Variants in LRRC18 observed in about 807,000 individuals in gnomAD.
LRRC18 encodes the protein leucine-rich repeat-containing protein 18.
Under a neutral mutation model 11.2 loss-of-function variants are expected in LRRC18, and 12 were observed. The observed-to-expected ratio is 1.07, with a 90% confidence interval of 0.69 to 1.74. The LOEUF (loss-of-function observed/expected upper bound fraction) is 1.74, where lower values mean the gene tolerates loss of function less well. Among genes scored for constraint, LRRC18 ranks in the 40% most tolerant of loss-of-function variants. The pLI is 0.00. For synonymous variants in LRRC18, 155 were observed against 130.6 expected (o/e 1.19, Z -1.27); for missense variants, 374 against 330.5 (o/e 1.13, Z -1.02).
the LRRC18 span, among the ~76,000 whole-genome samples, chr10:48,924,813 T>C: frequency 6.6e-6 from 1 of 152,258 alleles, no homozygotes; most frequent in Non-Finnish European, 1.5e-5. Context: ...GTAAGACCCT[T>C]GTCAATATGA....
intron 1 of LRRC18, chr10:48,910,888 C>T: frequency 2.0e-6 from 2 of 984,860 alleles, no homozygotes; most frequent in Non-Finnish European, 2.4e-6. Context: ...ACCAGGTGGG[C>T]TCTGTAACCT....
chr10:48,914,879 G>A (rs1838367573), upstream of LRRC18, among the ~76,000 whole-genome samples: 1 of 152,118 alleles, frequency 6.6e-6, no homozygotes, highest in Non-Finnish European at 1.5e-5. Flanking sequence ...GGGGATGGGG[G>A]GTGCGGGCAA....
the LRRC18 span, among the ~76,000 whole-genome samples, chr10:48,935,675 C>G: frequency 1.3e-5 from 2 of 152,046 alleles, no homozygotes; most frequent in African/African-American, 4.8e-5. Flanking sequence ...CTCTTTGCAC[C>G]CTTTTTCCAC....
chr10:48,926,034 C>G, the LRRC18 span, among the ~76,000 whole-genome samples: 80 of 152,302 alleles, frequency 5.3e-4, 1 homozygote, highest in African/African-American at 1.8e-3. Flanking sequence ...GTGTCTGATA[C>G]GCAAGCTGGT....
At chr10:48,910,949 G>A in intron 1 of LRRC18, 1 of 980,384 alleles carries the variant, frequency 1.0e-6, no homozygotes, top group South Asian at 4.7e-5. Flanking sequence ...AATACCTAAG[G>A]AGGGAAAATT....
At chr10:48,925,730 A>G in the LRRC18 span, among the ~76,000 whole-genome samples, 2 of 152,144 alleles carry the variant, frequency 1.3e-5, no homozygotes, top group Non-Finnish European at 2.9e-5. Context: ...GGAGAGATGC[A>G]GAAGCAGGGG....
chr10:48,911,355 C>CT (rs1837987096), intron 1 of LRRC18, among the ~76,000 whole-genome samples: 1 of 152,170 alleles, frequency 6.6e-6, no homozygotes, highest in South Asian at 2.1e-4. Context: ...CTTTTATGAG[C>CT]TACTTGATGG....
intron 1 of LRRC18, among the ~76,000 whole-genome samples, chr10:48,912,931 A>C (rs1838138630): frequency 6.6e-6 from 1 of 152,226 alleles, no homozygotes; most frequent in African/African-American, 2.4e-5. Flanking sequence ...CCAAGTGCTC[A>C]TCTACTTTCT....
At chr10:48,925,298 G>A in the LRRC18 span, among the ~76,000 whole-genome samples, 2 of 152,142 alleles carry the variant, frequency 1.3e-5, no homozygotes, top group East Asian at 1.9e-4. Context: ...AAAGAGAGGC[G>A]GGGCTGTATC....
At chr10:48,914,129 C>T (rs1838278545) in exon 1 of LRRC18, 2 of 1,614,036 alleles carry the variant, frequency 1.2e-6, no homozygotes, top group Middle Eastern at 1.7e-4. Flanking sequence ...TCTTCTTGCC[C>T]TTGGGGCCTT....
At chr10:48,934,595 T>C in the LRRC18 span, among the ~76,000 whole-genome samples, 1 of 152,220 alleles carries the variant, frequency 6.6e-6, no homozygotes, top group Non-Finnish European at 1.5e-5. Flanking sequence ...AACCACTTAT[T>C]AGTGGGTTCT....
At chr10:48,915,618 G>C (rs1443401973), upstream of LRRC18, among the ~76,000 whole-genome samples, 1 of 152,108 alleles carries the variant, frequency 6.6e-6, no homozygotes, top group Non-Finnish European at 1.5e-5. Flanking sequence ...TGGGAATATA[G>C]TTGTATGTTT....
chr10:48,912,587 A>C (rs939595925), intron 1 of LRRC18, among the ~76,000 whole-genome samples: 7 of 152,220 alleles, frequency 4.6e-5, no homozygotes, highest in Non-Finnish European at 7.3e-5. Context: ...AGGCAAGCCA[A>C]GCTTTCCCCA....
At chr10:48,912,211 T>A (rs1262604748) in intron 1 of LRRC18, among the ~76,000 whole-genome samples, 1 of 152,242 alleles carries the variant, frequency 6.6e-6, no homozygotes, top group Non-Finnish European at 1.5e-5. Context: ...CTAGCGTAAC[T>A]GGCACCACTG....
chr10:48,934,901 C>G, the LRRC18 span, among the ~76,000 whole-genome samples: 1 of 152,216 alleles, frequency 6.6e-6, no homozygotes, highest in Non-Finnish European at 1.5e-5. Context: ...GCACACCTGC[C>G]TTCCCAGGCT....
In LRRC18 at chr10:48,913,591, TG is replaced by T; in HGVS notation, c.564del (p.Phe188LeufsTer2). On this transcript the variant is annotated frameshift_variant, in exon 1 of 2. Transcript: ENST00000374160. LOFTEE classifies it high-confidence loss of function. ...TTCTCCAGCCTCCTGATGGAGTCTA[TG>T]AATATTTCCGACTCACCTGGCTTTG... 1 of 1,614,178 alleles carries T rather than the reference TG, an allele frequency of 6.2e-7. No homozygotes were observed. Among genetic ancestry groups the T allele is most frequent in the Non-Finnish European group, 8.5e-7 (1 of 1,180,026 alleles).
At chr10:48,935,742 C>T in the LRRC18 span, among the ~76,000 whole-genome samples, 151 of 152,314 alleles carry the variant, frequency 9.9e-4, no homozygotes, top group Middle Eastern at 3.4e-3. Context: ...TAATCATATT[C>T]TCTTACTTGA....
At chr10:48,938,426 G>T in the LRRC18 span, among the ~76,000 whole-genome samples, 1 of 152,248 alleles carries the variant, frequency 6.6e-6, no homozygotes, top group African/African-American at 2.4e-5. Context: ...GAGAGCCTTT[G>T]GTCTGGGGTC....
At chr10:48,913,306 G>T in intron 1 of LRRC18, 86 bp downstream of exon 3, 1 of 1,265,718 alleles carries the variant, frequency 7.9e-7, no homozygotes, top group Non-Finnish European at 1.1e-6. Context: ...CCACAGGGGA[G>T]CCCTTGGTTT....
Sources: allele counts gnomAD v4.1 joint callset (sites outside exome capture counted in the v4.1 genomes callset), GRCh38; gene constraint gnomAD v4.1.1; transcripts MANE v1.5; gene names NCBI Gene and HGNC (gene_info 2026-07-23, HGNC 2026-07-21).